Variants in SYT16 observed in about 807,000 individuals in gnomAD.
SYT16 encodes synaptotagmin 16, also known as synaptotagmin-16.
Under a neutral mutation model 61.4 loss-of-function variants are expected in SYT16, and 42 were observed. The ratio of observed to expected loss-of-function variants is 0.68; its 90% CI spans 0.53 to 0.89. The LOEUF (loss-of-function observed/expected upper bound fraction) is 0.89, where lower values mean the gene tolerates loss of function less well. Among genes scored for constraint, SYT16 ranks in the 40% least tolerant of loss-of-function variants. The pLI is 0.00. For synonymous variants in SYT16, 314 were observed against 302.3 expected, an observed-to-expected ratio of 1.04 and a Z score of -0.40; for missense variants, 804 against 807.3, an observed-to-expected ratio of 1.00 and a Z score of 0.05.
chr14:62,048,683 T>C (rs1401585705), intron 3 of SYT16, among the ~76,000 whole-genome samples: 1 of 152,186 alleles, frequency 6.6e-6, no homozygotes, highest in Non-Finnish European at 1.5e-5. Context: ...CGTGTCTTTG[T>C]TCTTGTTGGT....
rs557266421 is a variant in SYT16 at position 62,029,076 on chromosome 14, A to AG, written c.523+32535dup. 1.5e-3 allele frequency among the ~76,000 whole-genome samples: 227 copies of AG among 152,314 alleles called. 1 individual carries two copies. The highest frequency in any genetic ancestry group is 2.6e-3 in the Non-Finnish European group (175 of 68,024). On this transcript the variant is annotated intron_variant, in intron 3 of 7. Transcript: ENST00000683842. ...GCTTTGCATAACTACTTTTCATCTG[A>AG]GTGGTTCCCATAGGGCCAGCCTGAG... is the stretch of plus-strand genomic sequence containing the variant.
chr14:61,971,097 A>G (rs556463789), intron 2 of SYT16, among the ~76,000 whole-genome samples: 3 of 152,214 alleles, frequency 2.0e-5, no homozygotes, highest in South Asian at 4.2e-4. Flanking sequence ...GATGTGTTCT[A>G]AGTATGCCTG....
intron 1 of SYT16, among the ~76,000 whole-genome samples, chr14:61,855,986 T>C (rs1258193028): frequency 1.3e-5 from 2 of 152,240 alleles, no homozygotes; most frequent in African/African-American, 4.8e-5. Context: ...ATCTCCAATG[T>C]CTGCAAAGGG....
At chr14:61,829,216 AAAG>A (rs2045861666) in intron 1 of SYT16, among the ~76,000 whole-genome samples, 1 of 152,024 alleles carries the variant, frequency 6.6e-6, no homozygotes, top group Non-Finnish European at 1.5e-5. Context: ...ATATATCACA[AAAG>A]AAAAAGTGCC....
intron 1 of SYT16, among the ~76,000 whole-genome samples, chr14:61,959,845 C>T (rs536066887): frequency 1.3e-3 from 197 of 151,928 alleles, no homozygotes; most frequent in African/African-American, 4.2e-3. Context: ...TTGTGGGGCT[C>T]GGGGGACAGG....
intron 3 of SYT16, among the ~76,000 whole-genome samples, chr14:62,011,874 TACACACACAC>T (rs576570781): frequency 7.3e-6 from 1 of 136,418 alleles, no homozygotes; most frequent in Non-Finnish European, 1.5e-5. Flanking sequence ...ACACTATATA[TACACACACAC>T]ACACACACAC....
intron 3 of SYT16, among the ~76,000 whole-genome samples, chr14:62,010,063 G>C (rs769212858): frequency 7.2e-5 from 11 of 152,090 alleles, no homozygotes; most frequent in Non-Finnish European, 1.6e-4. Context: ...AATAATTTCT[G>C]CTTCCCTGAA....
intron 1 of SYT16, among the ~76,000 whole-genome samples, chr14:61,826,087 T>C (rs1241232793): frequency 6.6e-6 from 1 of 152,172 alleles, no homozygotes; most frequent in Non-Finnish European, 1.5e-5. Flanking sequence ...TATTTCTTCA[T>C]TCATTCTTCA....
chr14:62,057,146 T>C (rs1194885617), intron 3 of SYT16, among the ~76,000 whole-genome samples: 2 of 152,140 alleles, frequency 1.3e-5, no homozygotes, highest in Admixed American at 6.5e-5. Context: ...CCCACCCAGA[T>C]TGAGGGTAGG....
At chr14:61,867,467 G>C (rs73258408) in intron 1 of SYT16, among the ~76,000 whole-genome samples, 21,080 of 151,936 alleles carry the variant, frequency 0.14, 1,560 homozygotes, top group African/African-American at 0.19. Flanking sequence ...TTCCCCTGTA[G>C]CCAACGTCTA....
rs144737813 is a variant in SYT16, at chr14:62,053,034, G to C, written c.524-16569G>C. ...CTTTGGAACCGGGTAATGGGTAGAG[G>C]CTGGAAGGGTTTTGAAGTACATGCT... On this transcript the variant is annotated intron_variant, in intron 3 of 7. Coordinates refer to ENST00000683842, the MANE Select transcript of SYT16 (RefSeq NM_001367656.1). 2.8e-3 allele frequency among the ~76,000 whole-genome samples: 431 copies of C among 152,304 alleles called. 2 individuals are homozygous for C. Among genetic ancestry groups the C allele is most frequent in the African/African-American group, 1.0e-2 (415 of 41,556 alleles).
intron 2 of SYT16, among the ~76,000 whole-genome samples, chr14:61,978,301 T>C (rs2051906672): frequency 6.6e-6 from 1 of 152,128 alleles, no homozygotes; most frequent in South Asian, 2.1e-4. Flanking sequence ...TTGATGAAAA[T>C]TGGAGGCAAG....
chr14:61,849,884 T>C (rs2046559415), intron 1 of SYT16, among the ~76,000 whole-genome samples: 1 of 152,230 alleles, frequency 6.6e-6, no homozygotes, highest in Non-Finnish European at 1.5e-5. Flanking sequence ...AGGCTTCTAT[T>C]GGCCATCTTG....
chr14:61,917,902 T>A (rs2049180544), intron 1 of SYT16, among the ~76,000 whole-genome samples: 1 of 152,178 alleles, frequency 6.6e-6, no homozygotes, highest in African/African-American at 2.4e-5. Context: ...CATATATACC[T>A]TATACACATA....
rs927158854 is a variant in SYT16 at position 62,106,568 on chromosome 14, A to G, written c.*5861A>G. On this transcript the variant is annotated 3_prime_UTR_variant, in exon 8 of 8. Coordinates refer to ENST00000683842, the MANE Select transcript of SYT16 (RefSeq NM_001367656.1). ...TCTAATATTTAGGTGTAACGTTAAA[A>G]AAGAATCAACAATAACACTCCAGGC... 5 of 152,186 alleles carry G rather than the reference A, an allele frequency of 3.3e-5. No individual in the cohort carries two copies. The highest frequency in any genetic ancestry group is 4.8e-5 in the African/African-American group (2 of 41,448). 9.4% of individuals were successfully genotyped at this position (152,186 alleles called of 1,614,324 possible). A position where few individuals can be genotyped will look rare whatever the true frequency, so the allele number is the denominator to read the frequency against.
rs538250478 is a variant in SYT16 at position 61,966,987 on chromosome 14, T to C, written c.-324-3145T>C. On this transcript the variant is annotated intron_variant, in intron 1 of 7. Transcript: ENST00000683842. The stretch of plus-strand genomic sequence containing the variant: ...AACTCAGACATAGTCCCTGTTCTTA[T>C]AAAGTTTAAAATTTAACATTTGAAA... Among the ~76,000 whole-genome samples the C allele has an allele frequency of 5.2e-4, 79 of 152,344 alleles. No homozygotes were observed. In the South Asian group the frequency reaches 0.011, roughly 20 times the overall value.
At chr14:61,930,159 A>G (rs150425562) in intron 1 of SYT16, among the ~76,000 whole-genome samples, 202 of 152,142 alleles carry the variant, frequency 1.3e-3, no homozygotes, top group Middle Eastern at 3.4e-3. Flanking sequence ...TGTTCTTTCC[A>G]TGTGATTCAT....
chr14:61,996,087 G>C lies in SYT16; in HGVS notation c.68G>C (p.Arg23Pro). ...CAGCCTTTCTCTTCCTGGATATCTC[G>C]GGTTTATGAAGCTCTCCAGCAAGCA... ...FFQPFSSWIS[R>P]VYEALQQAGD... The change falls in exon 3 of 8, where the codon CGG becomes CCG. Residue 23 changes from arginine to proline, a missense_variant. Physicochemically the swap from Arg to Pro is moderately radical, Grantham distance 103. Coordinates refer to ENST00000683842, the MANE Select transcript of SYT16 (RefSeq NM_001367656.1). 1 of 1,612,328 alleles carries C rather than the reference G, an allele frequency of 6.2e-7. No homozygotes were observed. Among genetic ancestry groups the C allele is most frequent in the South Asian group, 1.1e-5 (1 of 90,838 alleles).
chr14:62,079,796 A>G (rs1427593875), intron 5 of SYT16, among the ~76,000 whole-genome samples: 2 of 152,214 alleles, frequency 1.3e-5, no homozygotes, highest in African/African-American at 4.8e-5. Flanking sequence ...GTTCATTATA[A>G]TAAATGCAGC....
Sources: gnomAD v4.1 joint callset for allele counts (sites outside exome capture counted in the v4.1 genomes callset) on GRCh38, gnomAD v4.1.1 for gene constraint, MANE v1.5 for transcripts, NCBI Gene and HGNC (gene_info 2026-07-23, HGNC 2026-07-21) for gene names.